The following SUPT3H variants were observed in gnomAD, a reference collection of about 807,000 sequenced individuals.
The protein encoded by SUPT3H is SPT3 homolog, SAGA and STAGA complex component.
A neutral mutation model predicts 44.3 loss-of-function variants in SUPT3H; 44 were observed. That is an observed-to-expected ratio of 0.99 (90% confidence interval 0.78 to 1.28). The LOEUF is 1.28. Ranked by LOEUF, SUPT3H falls within the 50% of genes most tolerant of loss-of-function variation. SUPT3H has a pLI of 0.00. For missense variants in SUPT3H, 380 were observed against 387.1 expected, an observed-to-expected ratio of 0.98 and a Z score of 0.15; for synonymous variants, 124 against 125.6, an observed-to-expected ratio of 0.99 and a Z score of 0.09.
chr6:44,959,334 T>C (rs985532855), intron 7 of SUPT3H, among the ~76,000 whole-genome samples: 3 of 151,626 alleles, frequency 2.0e-5, no homozygotes, highest in Non-Finnish European at 4.4e-5. Context: ...TAATACAACA[T>C]AGAAAAGGAG....
chr6:44,843,995 C>G (rs1385120649), intron 10 of SUPT3H, among the ~76,000 whole-genome samples: 1 of 151,620 alleles, frequency 6.6e-6, no homozygotes, highest in East Asian at 1.9e-4. Context: ...AGGAGGCACA[C>G]TACCTAATTT....
intron 3 of SUPT3H, among the ~76,000 whole-genome samples, chr6:45,037,900 A>G (rs1016485067): frequency 7.2e-5 from 11 of 151,918 alleles, no homozygotes; most frequent in Admixed American, 1.3e-4. Flanking sequence ...CAAATTCTCT[A>G]CAATTAACTT....
chr6:45,014,382 A>G (rs1046203934), intron 5 of SUPT3H, among the ~76,000 whole-genome samples: 7 of 152,064 alleles, frequency 4.6e-5, no homozygotes, highest in Non-Finnish European at 1.0e-4. Flanking sequence ...TTCATATATT[A>G]TGCTAAACTC....
intron 2 of SUPT3H, among the ~76,000 whole-genome samples, chr6:45,172,340 G>A (rs1054229711): frequency 6.6e-6 from 1 of 151,890 alleles, no homozygotes; most frequent in East Asian, 1.9e-4. Flanking sequence ...CAAAGTGCTG[G>A]GATTACAGGC....
chr6:44,904,847 G>T (rs1328615925), intron 10 of SUPT3H, among the ~76,000 whole-genome samples: 1 of 152,098 alleles, frequency 6.6e-6, no homozygotes, highest in Non-Finnish European at 1.5e-5. Context: ...ACAGAACAGA[G>T]CCCTCAGAAA....
chr6:45,160,269 TAA>T (rs1554267316), intron 2 of SUPT3H, among the ~76,000 whole-genome samples: 1 of 152,154 alleles, frequency 6.6e-6, no homozygotes, highest in African/African-American at 2.4e-5. Context: ...ACAAGGCAGT[TAA>T]AGTTTCTGGA....
At chr6:45,019,701 C>T (rs1290594820) in intron 4 of SUPT3H, among the ~76,000 whole-genome samples, 1 of 151,896 alleles carries the variant, frequency 6.6e-6, no homozygotes, top group Non-Finnish European at 1.5e-5. Flanking sequence ...CGCCTTGTAC[C>T]TAAGACTGCC....
At chr6:45,038,436 G>A (rs1277657274) in intron 3 of SUPT3H, among the ~76,000 whole-genome samples, 3 of 152,138 alleles carry the variant, frequency 2.0e-5, no homozygotes, top group African/African-American at 7.2e-5. Flanking sequence ...GATTAGAGTA[G>A]CTATTCATAT....
chr6:45,309,473 T>C (rs1322810618), intron 2 of SUPT3H, among the ~76,000 whole-genome samples: 5 of 149,802 alleles, frequency 3.3e-5, no homozygotes, highest in Admixed American at 2.6e-4. Flanking sequence ...AAAAAAACTA[T>C]GTAACTGAAG....
chr6:45,296,623 C>G (rs1248688556), intron 2 of SUPT3H, among the ~76,000 whole-genome samples: 2 of 150,452 alleles, frequency 1.3e-5, no homozygotes, highest in Non-Finnish European at 3.0e-5. Context: ...CCTGTAATCC[C>G]AGCTACTCGG....
chr6:45,357,947 ATTTC>A (rs1175367367), intron 2 of SUPT3H, among the ~76,000 whole-genome samples: 7 of 152,218 alleles, frequency 4.6e-5, no homozygotes, highest in African/African-American at 1.4e-4. Flanking sequence ...AACTGAACAC[ATTTC>A]TTTATTATTC....
At position 44,948,224 on chromosome 6, in the gene SUPT3H, T is replaced by C. The variant is rs542966343; in HGVS notation, c.801+5086A>G. 2.6e-5 allele frequency among the ~76,000 whole-genome samples: 4 copies of C among 152,304 alleles called. 1 individual carries two copies. In the South Asian group the frequency reaches 8.3e-4, roughly 32 times the overall value. On this transcript the variant is annotated intron_variant, in intron 9 of 10. Coordinates refer to ENST00000371459, the MANE Select transcript of SUPT3H (RefSeq NM_003599.4). ...GAAACTAGATCCCTTCCTTACACCTTATACAAAAATTAATTCAAGATGGAT... is the reference window on the plus strand; with the variant it reads ...GAAACTAGATCCCTTCCTTACACCTCATACAAAAATTAATTCAAGATGGAT...
downstream of SUPT3H, among the ~76,000 whole-genome samples, chr6:44,825,076 A>G (rs1219312323): frequency 2.0e-5 from 3 of 152,258 alleles, no homozygotes; most frequent in Admixed American, 6.5e-5. Flanking sequence ...GTGAAACGGT[A>G]GCCTGTAAAC....
At chr6:44,870,064 C>T (rs1416417192) in intron 10 of SUPT3H, among the ~76,000 whole-genome samples, 1 of 152,138 alleles carries the variant, frequency 6.6e-6, no homozygotes, top group Non-Finnish European at 1.5e-5. Context: ...TTTTTTCCCC[C>T]AAAGAATTTC....
intron 2 of SUPT3H, among the ~76,000 whole-genome samples, chr6:45,270,198 T>C (rs1259616773): frequency 6.6e-6 from 1 of 152,124 alleles, no homozygotes; most frequent in Non-Finnish European, 1.5e-5. Context: ...CACTTGTAAA[T>C]GATGATACCA....
intron 2 of SUPT3H, among the ~76,000 whole-genome samples, chr6:45,301,739 G>A (rs185816170): frequency 6.6e-5 from 10 of 152,134 alleles, no homozygotes; most frequent in East Asian, 5.8e-4. Flanking sequence ...TTATATTATC[G>A]GTATGTGGCA....
chr6:45,041,158 C>A (rs1326721591), intron 3 of SUPT3H, among the ~76,000 whole-genome samples: 1 of 151,784 alleles, frequency 6.6e-6, no homozygotes, highest in Admixed American at 6.6e-5. Flanking sequence ...GCTTCCATTA[C>A]GTTAGGGAAT....
intron 2 of SUPT3H, among the ~76,000 whole-genome samples, chr6:45,264,641 C>G (rs1273467659): frequency 1.3e-5 from 2 of 152,130 alleles, no homozygotes; most frequent in African/African-American, 4.8e-5. Flanking sequence ...AACTGTCTAG[C>G]CCTGCACTTC....
chr6:45,109,302 A>G (rs904225050), intron 2 of SUPT3H, among the ~76,000 whole-genome samples: 2 of 152,198 alleles, frequency 1.3e-5, no homozygotes, highest in Non-Finnish European at 1.5e-5. Context: ...GGAATACTTG[A>G]ATAAGGTTTT....
Sources: allele counts gnomAD v4.1 joint callset (sites outside exome capture counted in the v4.1 genomes callset), GRCh38; gene constraint gnomAD v4.1.1; transcripts MANE v1.5; gene names NCBI Gene and HGNC (gene_info 2026-07-23, HGNC 2026-07-21).